GLIS3: variants seen among roughly 807,000 people sequenced by gnomAD.
The protein encoded by GLIS3 is GLIS family zinc finger 3, also known as zinc finger protein GLIS3.
GLIS3 carries 53 observed loss-of-function variants against 78.6 expected under a neutral mutation model. The ratio of observed to expected loss-of-function variants is 0.67; its 90% confidence interval spans 0.54 to 0.85. The LOEUF (loss-of-function observed/expected upper bound fraction) is 0.85, where lower values mean the gene tolerates loss of function less well. GLIS3 is among the 40% of genes least tolerant of loss of function. GLIS3 has a pLI of 0.00. For synonymous variants in GLIS3, 684 were observed against 509.9 expected, an observed-to-expected ratio of 1.34 and a Z score of -4.60; for missense variants, 1,703 against 1,231.1, an observed-to-expected ratio of 1.38 and a Z score of -5.74.
intron 4 of GLIS3, among the ~76,000 whole-genome samples, chr9:3,949,157 G>A (rs922216781): frequency 1.3e-5 from 2 of 152,154 alleles, no homozygotes; most frequent in Non-Finnish European, 2.9e-5. Flanking sequence ...GTCTCAGAAG[G>A]AATCCAGTTG....
intron 6 of GLIS3, among the ~76,000 whole-genome samples, chr9:3,901,605 T>C (rs1336882638): frequency 1.3e-5 from 2 of 152,142 alleles, no homozygotes; most frequent in Non-Finnish European, 2.9e-5. Flanking sequence ...ATTTCTTGGG[T>C]CTCAGAAAGC....
chr9:4,195,687 G>C (rs1818765922), intron 2 of GLIS3, among the ~76,000 whole-genome samples: 1 of 152,272 alleles, frequency 6.6e-6, no homozygotes, highest in Non-Finnish European at 1.5e-5. Context: ...CTGGCGGGCA[G>C]CTCCGCCCAT....
intron 2 of GLIS3, among the ~76,000 whole-genome samples, chr9:4,216,513 A>G (rs1331577230): frequency 6.7e-6 from 1 of 150,288 alleles, no homozygotes; most frequent in Non-Finnish European, 1.5e-5. Context: ...GAAAAGAAAA[A>G]GAAAAAAAAA....
the GLIS3 span, among the ~76,000 whole-genome samples, chr9:4,476,361 T>C: frequency 6.6e-6 from 1 of 152,036 alleles, no homozygotes; most frequent in Non-Finnish European, 1.5e-5. Context: ...GGGGTTTTTT[T>C]GTTTTTGTTT....
chr9:4,380,649 C>T, the GLIS3 span, among the ~76,000 whole-genome samples: 3 of 152,188 alleles, frequency 2.0e-5, no homozygotes, highest in East Asian at 5.8e-4. Flanking sequence ...TAGCAAGCTA[C>T]CTGGCTGATT....
At chr9:3,972,982 C>T (rs112649254) in intron 4 of GLIS3, among the ~76,000 whole-genome samples, 1 of 152,100 alleles carries the variant, frequency 6.6e-6, no homozygotes, top group African/African-American at 2.4e-5. Context: ...TCTGACACCA[C>T]CTGTAAGTCT....
chr9:3,983,724 C>G (rs1346026031), intron 4 of GLIS3, among the ~76,000 whole-genome samples: 1 of 152,050 alleles, frequency 6.6e-6, no homozygotes, highest in East Asian at 1.9e-4. Context: ...GAACTTTGAA[C>G]TTGAGGGAGA....
At chr9:3,943,717 G>C (rs1000363280) in intron 4 of GLIS3, among the ~76,000 whole-genome samples, 1 of 152,196 alleles carries the variant, frequency 6.6e-6, no homozygotes, top group Non-Finnish European at 1.5e-5. Flanking sequence ...TTTAGCTGGG[G>C]CAGTAGGAGG....
chr9:4,058,987 C>CAAA (rs111956039), intron 4 of GLIS3, among the ~76,000 whole-genome samples: 6 of 130,680 alleles, frequency 4.6e-5, no homozygotes, highest in African/African-American at 1.7e-4. Flanking sequence ...ATCTCAAAAA[C>CAAA]AAAAAAAAAA....
intron 2 of GLIS3, among the ~76,000 whole-genome samples, chr9:4,164,915 G>C (rs1041978784): frequency 6.6e-6 from 1 of 152,196 alleles, no homozygotes; most frequent in Non-Finnish European, 1.5e-5. Flanking sequence ...AGCAGCTGGA[G>C]TCTAGGGGAA....
intron 6 of GLIS3, among the ~76,000 whole-genome samples, chr9:3,913,049 C>T (rs894315170): frequency 6.6e-6 from 1 of 152,104 alleles, no homozygotes; most frequent in Non-Finnish European, 1.5e-5. Flanking sequence ...GTAATTACTT[C>T]CCCCATCCAT....
intron 4 of GLIS3, among the ~76,000 whole-genome samples, chr9:4,106,711 G>A (rs949801162): frequency 2.6e-5 from 4 of 152,138 alleles, no homozygotes; most frequent in African/African-American, 4.8e-5. Flanking sequence ...GGGGAATATT[G>A]TGTTTCAGGG....
chr9:4,472,649 C>T, the GLIS3 span, among the ~76,000 whole-genome samples: 1 of 151,956 alleles, frequency 6.6e-6, no homozygotes, highest in Non-Finnish European at 1.5e-5. Flanking sequence ...GGAGATATAC[C>T]TAATGTAAAT....
At chr9:4,425,832 C>T in the GLIS3 span, among the ~76,000 whole-genome samples, 1 of 152,144 alleles carries the variant, frequency 6.6e-6, no homozygotes, top group African/African-American at 2.4e-5. Context: ...TGGTATTTCC[C>T]TGGGAAGTTT....
chr9:3,959,248 G>A (rs150971253), intron 4 of GLIS3, among the ~76,000 whole-genome samples: 11 of 152,290 alleles, frequency 7.2e-5, no homozygotes, highest in African/African-American at 1.7e-4. Flanking sequence ...CTTCCACCAC[G>A]TGAGGACACA....
chr9:4,398,752 A>C, the GLIS3 span, among the ~76,000 whole-genome samples: 1 of 152,104 alleles, frequency 6.6e-6, no homozygotes, highest in Non-Finnish European at 1.5e-5. Context: ...CAGTGGCACG[A>C]TCTTGGCTCA....
the GLIS3 span, among the ~76,000 whole-genome samples, chr9:4,391,232 G>A: frequency 1.3e-5 from 2 of 152,164 alleles, no homozygotes; most frequent in Non-Finnish European, 2.9e-5. Flanking sequence ...AAGGGACAGT[G>A]GGGACATGGG....
chr9:4,198,110 C>T (rs113045333), intron 2 of GLIS3, among the ~76,000 whole-genome samples: 5,203 of 152,138 alleles, frequency 0.034, 121 homozygotes, highest in Middle Eastern at 0.071. Context: ...AATGTAGTAA[C>T]GCCACCAAAG....
chr9:3,947,655 C>T (rs1184157909), intron 4 of GLIS3, among the ~76,000 whole-genome samples: 2 of 152,216 alleles, frequency 1.3e-5, no homozygotes, highest in Non-Finnish European at 1.5e-5. Context: ...TTGGCCCACA[C>T]TGAGTTTATT....
Sources: allele counts gnomAD v4.1 joint callset (sites outside exome capture counted in the v4.1 genomes callset), GRCh38; gene constraint gnomAD v4.1.1; transcripts MANE v1.5; gene names NCBI Gene and HGNC (gene_info 2026-07-23, HGNC 2026-07-21).